MAF: variants seen among roughly 807,000 people sequenced by gnomAD.
MAF encodes the protein MAF bZIP transcription factor.
A neutral mutation model predicts 22.0 loss-of-function variants in MAF; 10 were observed. That is an observed-to-expected ratio of 0.45 (90% CI 0.28 to 0.77). The LOEUF is 0.77. MAF is among the 30% of genes least tolerant of loss of function. The probability of loss-of-function intolerance (pLI) is 0.12; values close to 1 mark genes in which losing one functional copy is unlikely to be tolerated. For missense variants in MAF, 544 were observed against 548.4 expected (o/e 0.99, Z 0.08); for synonymous variants, 337 against 255.8 (o/e 1.32, Z -3.03).
chr16:79,226,657 A>G, the MAF span, among the ~76,000 whole-genome samples: 1 of 151,782 alleles, frequency 6.6e-6, no homozygotes, highest in Admixed American at 6.6e-5. Flanking sequence ...GTATTGAGAG[A>G]AAAAATGAAT....
chr16:79,287,731 A>T, the MAF span, among the ~76,000 whole-genome samples: 3 of 152,082 alleles, frequency 2.0e-5, no homozygotes, highest in Admixed American at 6.5e-5. Flanking sequence ...TCACTCATTC[A>T]TTCATTCACT....
At chr16:79,592,253 T>A (rs916206514), downstream of MAF, among the ~76,000 whole-genome samples, 12 of 152,324 alleles carry the variant, frequency 7.9e-5, no homozygotes, top group African/African-American at 2.9e-4. Context: ...ATGCTCCCAA[T>A]TTGTGGCAGG....
the MAF span, among the ~76,000 whole-genome samples, chr16:79,488,946 T>C: frequency 1.3e-5 from 2 of 152,322 alleles, no homozygotes; most frequent in African/African-American, 4.8e-5. Flanking sequence ...CAGACTTTTC[T>C]ACTGCCCTGT....
chr16:79,591,628 T>TG (rs1283953224), downstream of MAF, among the ~76,000 whole-genome samples: 2 of 152,344 alleles, frequency 1.3e-5, no homozygotes, highest in Non-Finnish European at 2.9e-5. Context: ...CTTAAAACTG[T>TG]ACGACTCTGA....
At chr16:79,307,923 G>A in the MAF span, among the ~76,000 whole-genome samples, 1 of 152,258 alleles carries the variant, frequency 6.6e-6, no homozygotes, top group East Asian at 1.9e-4. Flanking sequence ...CCTACCCTTT[G>A]ACTCACTCAT....
the MAF span, among the ~76,000 whole-genome samples, chr16:79,554,537 A>G: frequency 6.6e-6 from 1 of 152,160 alleles, no homozygotes; most frequent in Non-Finnish European, 1.5e-5. Context: ...ATGTAACAAG[A>G]CAGAAGACAG....
chr16:79,225,756 C>T, the MAF span, among the ~76,000 whole-genome samples: 1 of 152,172 alleles, frequency 6.6e-6, no homozygotes, highest in Non-Finnish European at 1.5e-5. Context: ...GACATTTATA[C>T]AGTCAGCAAA....
chr16:79,346,299 A>G, the MAF span, among the ~76,000 whole-genome samples: 4 of 151,750 alleles, frequency 2.6e-5, no homozygotes, highest in African/African-American at 9.7e-5. Flanking sequence ...TCCTTGCGAT[A>G]GTTTGCTGAG....
chr16:79,406,767 C>T, the MAF span, among the ~76,000 whole-genome samples: 11 of 152,280 alleles, frequency 7.2e-5, no homozygotes, highest in African/African-American at 2.2e-4. Context: ...AACCGTAAAA[C>T]GGATGCATTA....
At chr16:79,528,671 A>AT in the MAF span, among the ~76,000 whole-genome samples, 1 of 152,002 alleles carries the variant, frequency 6.6e-6, no homozygotes, top group Admixed American at 6.6e-5. Flanking sequence ...AAAAAAAAAA[A>AT]GAAAGGCAAG....
the MAF span, among the ~76,000 whole-genome samples, chr16:79,437,511 G>A: frequency 6.6e-6 from 1 of 152,162 alleles, no homozygotes; most frequent in South Asian, 2.1e-4. Flanking sequence ...ATTTTACAGT[G>A]AGGGAGACAA....
the MAF span, among the ~76,000 whole-genome samples, chr16:79,555,809 G>A: frequency 1.8e-4 from 27 of 152,144 alleles, no homozygotes; most frequent in African/African-American, 5.8e-4. Context: ...CCCATTAATA[G>A]TATTTCTACC....
chr16:79,594,911 T>A, intron 1 of MAF: 1 of 1,152,104 alleles, frequency 8.7e-7, no homozygotes, highest in Non-Finnish European at 1.1e-6. Context: ...AACTACCTTG[T>A]AGATTCCTAT....
chr16:79,429,035 T>C, the MAF span, among the ~76,000 whole-genome samples: 1 of 151,984 alleles, frequency 6.6e-6, no homozygotes, highest in Non-Finnish European at 1.5e-5. Flanking sequence ...TGGGCAAGCA[T>C]GAGGCTAGGA....
the MAF span, among the ~76,000 whole-genome samples, chr16:79,336,363 C>A: frequency 6.6e-6 from 1 of 152,182 alleles, no homozygotes; most frequent in Admixed American, 6.5e-5. Context: ...AAGCAACTTG[C>A]CCAAGGTCAC....
the MAF span, among the ~76,000 whole-genome samples, chr16:79,240,749 G>A: frequency 6.6e-6 from 1 of 151,806 alleles, no homozygotes; most frequent in Non-Finnish European, 1.5e-5. Context: ...CTCCTGTTTG[G>A]GAGACACCTC....
At chr16:79,500,837 A>AT in the MAF span, among the ~76,000 whole-genome samples, 1 of 152,168 alleles carries the variant, frequency 6.6e-6, no homozygotes, top group Non-Finnish European at 1.5e-5. Context: ...GATGAGACAT[A>AT]TAGCTAGACC....
the MAF span, among the ~76,000 whole-genome samples, chr16:79,216,047 C>G: frequency 6.6e-6 from 1 of 152,232 alleles, no homozygotes; most frequent in Non-Finnish European, 1.5e-5. Context: ...TGAGCAAGTG[C>G]ATGGCATAAT....
chr16:79,207,050 A>T, the MAF span, among the ~76,000 whole-genome samples: 1 of 151,978 alleles, frequency 6.6e-6, no homozygotes, highest in African/African-American at 2.4e-5. Flanking sequence ...GTTCTGGGAG[A>T]GTGGTTATAG....
Sources: allele counts gnomAD v4.1 joint callset (sites outside exome capture counted in the v4.1 genomes callset), GRCh38; gene constraint gnomAD v4.1.1; transcripts MANE v1.5; gene names NCBI Gene and HGNC (gene_info 2026-07-23, HGNC 2026-07-21).